The following KCNT2 variants were observed in gnomAD, a reference collection of about 807,000 sequenced individuals.
KCNT2 encodes potassium sodium-activated channel subfamily T member 2, also known as potassium channel subfamily T member 2.
In KCNT2, 67 loss-of-function variants were observed where a neutral mutation model predicts 153.8. That is an observed-to-expected ratio of 0.44 (90% CI 0.36 to 0.53). The LOEUF (loss-of-function observed/expected upper bound fraction) is 0.53. Among genes scored for constraint, KCNT2 ranks in the 20% least tolerant of loss-of-function variants. KCNT2 has a pLI of 0.00. For synonymous variants in KCNT2, 500 were observed against 458.8 expected (o/e 1.09, Z -1.15); for missense variants, 975 against 1,354.8 (o/e 0.72, Z 4.40).
At chr1:196,291,879 T>A (rs1660218377) in intron 22 of KCNT2, among the ~76,000 whole-genome samples, 1 of 152,222 alleles carries the variant, frequency 6.6e-6, no homozygotes, top group Admixed American at 6.5e-5. Context: ...AAGGCTCTTA[T>A]TTTACACTTC....
At chr1:196,474,138 A>AAATAT (rs1364595716) in intron 5 of KCNT2, among the ~76,000 whole-genome samples, 3 of 152,112 alleles carry the variant, frequency 2.0e-5, no homozygotes, top group Non-Finnish European at 4.4e-5. Context: ...TAATGCAGAA[A>AAATAT]AATATGCGAT....
chr1:196,235,350 T>A (rs1654335493), intron 27 of KCNT2, among the ~76,000 whole-genome samples: 1 of 151,410 alleles, frequency 6.6e-6, no homozygotes, highest in Non-Finnish European at 1.5e-5. Flanking sequence ...CTCAATAATG[T>A]CTCCTTCTAT....
Position 196,340,571 on chromosome 1 carries a change from C to T in KCNT2, c.1554-1G>A. On this transcript the variant is annotated splice_acceptor_variant, in intron 15 of 27. Coordinates refer to ENST00000294725, the MANE Select transcript of KCNT2 (RefSeq NM_198503.5). LOFTEE classifies it high-confidence loss of function. ...AACACCAATCAAGCAGACGCCAAAC[C>T]TTAATTTAAAAAAAAAGAGAGTTTG... 1.3e-6 allele frequency: 2 copies of T among 1,508,078 alleles called. No individual in the cohort carries two copies. Among genetic ancestry groups the T allele is most frequent in the Non-Finnish European group, 1.8e-6 (2 of 1,125,204 alleles). The allele number at this position is 1,508,078 out of a possible 1,614,324, so 93.4% of individuals were successfully genotyped here.
intron 7 of KCNT2, among the ~76,000 whole-genome samples, chr1:196,467,413 C>T (rs1160474318): frequency 2.7e-5 from 4 of 150,102 alleles, no homozygotes; most frequent in Non-Finnish European, 2.9e-5. Context: ...CACTATGCAT[C>T]ACTTTAACTA....
chr1:196,546,545 G>C (rs571409596), intron 1 of KCNT2, among the ~76,000 whole-genome samples: 122 of 152,080 alleles, frequency 8.0e-4, no homozygotes, highest in Admixed American at 5.4e-3. Context: ...TCACAGCTCA[G>C]AACATGCCTT....
intron 14 of KCNT2, among the ~76,000 whole-genome samples, chr1:196,371,896 A>G (rs541163390): frequency 6.6e-6 from 1 of 152,228 alleles, no homozygotes; most frequent in Admixed American, 6.6e-5. Context: ...AGTTGCCTAG[A>G]TAGTCATCAT....
intron 26 of KCNT2, chr1:196,257,950 T>G: frequency 8.8e-7 from 1 of 1,136,170 alleles, no homozygotes; most frequent in South Asian, 3.8e-5. Context: ...AAATTAAAAT[T>G]AAGATAATTC....
intron 22 of KCNT2, among the ~76,000 whole-genome samples, chr1:196,292,456 T>A (rs1660268108): frequency 6.6e-6 from 1 of 152,146 alleles, no homozygotes; most frequent in Non-Finnish European, 1.5e-5. Flanking sequence ...CAACACAGTA[T>A]TCGAAGTTCT....
At chr1:196,257,310 C>G in intron 26 of KCNT2, 1 of 982,986 alleles carries the variant, frequency 1.0e-6, no homozygotes. Context: ...CTCTTAAACT[C>G]TAATTCAAAG....
intron 12 of KCNT2, among the ~76,000 whole-genome samples, chr1:196,405,936 T>G (rs567540501): frequency 6.6e-6 from 1 of 151,536 alleles, no homozygotes; most frequent in South Asian, 2.1e-4. Context: ...AAAAGAAGTC[T>G]TATGGCAATC....
intron 1 of KCNT2, among the ~76,000 whole-genome samples, chr1:196,518,707 G>T (rs1038120117): frequency 6.6e-6 from 1 of 152,074 alleles, no homozygotes; most frequent in Non-Finnish European, 1.5e-5. Context: ...AATGGTAAAG[G>T]GTTCAATTCA....
chr1:196,379,565 T>TTCCCTCTCTC, intron 13 of KCNT2, among the ~76,000 whole-genome samples: 1 of 136,148 alleles, frequency 7.3e-6, no homozygotes, highest in African/African-American at 2.7e-5. Flanking sequence ...CAGTGAGACT[T>TTCCCTCTCTC]TCTCTCTCTC....
chr1:196,355,591 T>C (rs1481908202), intron 14 of KCNT2, among the ~76,000 whole-genome samples: 4 of 151,780 alleles, frequency 2.6e-5, no homozygotes, highest in Non-Finnish European at 5.9e-5. Flanking sequence ...TACATGAAAG[T>C]AGCTTAAATT....
chr1:196,344,544 T>C (rs1665971935), intron 14 of KCNT2, among the ~76,000 whole-genome samples: 1 of 152,182 alleles, frequency 6.6e-6, no homozygotes, highest in South Asian at 2.1e-4. Context: ...AAGATGATAC[T>C]TGGCAAAAAC....
At position 196,315,892 on chromosome 1, in the gene KCNT2, C is replaced by A. The variant is rs780711363; in HGVS notation, c.2483G>T (p.Arg828Met). 6.2e-7 allele frequency: 1 copy of A among 1,603,326 alleles called. No individual in the cohort carries two copies. The highest frequency in any genetic ancestry group is 8.5e-7 in the Non-Finnish European group (1 of 1,174,480). ...AAGGTTGGATGATTCAGCCACTTAC[C>A]TGAAGAGTGTCTGCACGTTCACAAT... The part of the protein sequence containing the change: ...KTIVNVQTLF[R>M]LFSSLSIITE... The change falls in exon 21 of 28, where the codon AGG becomes ATG. Residue 828 changes from arginine (R) to methionine (M), a missense_variant and splice_region_variant. Coordinates refer to ENST00000294725, the MANE Select transcript of KCNT2 (RefSeq NM_198503.5).
At chr1:196,274,287 G>A (rs926585471) in intron 25 of KCNT2, among the ~76,000 whole-genome samples, 3 of 151,590 alleles carry the variant, frequency 2.0e-5, no homozygotes, top group Non-Finnish European at 4.4e-5. Flanking sequence ...ACATTTTCAA[G>A]TATATTATTT....
intron 14 of KCNT2, among the ~76,000 whole-genome samples, chr1:196,370,270 G>A (rs944147232): frequency 2.6e-5 from 4 of 151,982 alleles, no homozygotes; most frequent in African/African-American, 9.7e-5. Context: ...ACACTCAAAT[G>A]TAAATAAAGT....
rs114691182 is a variant in KCNT2 at position 196,381,651 on chromosome 1, A to G, written c.1295-8403T>C. Among the ~76,000 whole-genome samples, 545 of 152,288 alleles carry G rather than the reference A, an allele frequency of 3.6e-3. 3 individuals carry two copies. The highest frequency in any genetic ancestry group is 6.2e-3 in the Non-Finnish European group (421 of 68,012). ...CTCTAAAATTGATTAACCAGCACTT[A>G]AAATAGGTAACAGAATGTAGCAGTG... On this transcript the variant is annotated intron_variant, in intron 13 of 27. Transcript: ENST00000294725.
chr1:196,522,768 A>G (rs1439275940), intron 1 of KCNT2, among the ~76,000 whole-genome samples: 4 of 152,202 alleles, frequency 2.6e-5, no homozygotes, highest in Non-Finnish European at 4.4e-5. Context: ...TAAATGCACC[A>G]ATCAGCACTC....
Sources: allele counts gnomAD v4.1 joint callset (sites outside exome capture counted in the v4.1 genomes callset), GRCh38; gene constraint gnomAD v4.1.1; transcripts MANE v1.5; gene names NCBI Gene and HGNC (gene_info 2026-07-23, HGNC 2026-07-21).